The following PGS1 variants were observed in gnomAD, a reference collection of about 807,000 sequenced individuals.
PGS1 encodes phosphatidylglycerophosphate synthase 1.
A neutral mutation model predicts 58.3 loss-of-function variants in PGS1; 44 were observed. The observed-to-expected ratio is 0.75, with a 90% CI of 0.59 to 0.97. The LOEUF (loss-of-function observed/expected upper bound fraction) is 0.97. Ranked by LOEUF, PGS1 falls within the 50% of genes least tolerant of loss-of-function variation. The probability of loss-of-function intolerance (pLI) is 0.00; values close to 1 mark genes in which losing one functional copy is unlikely to be tolerated. For missense variants in PGS1, 684 were observed against 731.1 expected, an observed-to-expected ratio of 0.94 and a Z score of 0.74; for synonymous variants, 330 against 311.0, an observed-to-expected ratio of 1.06 and a Z score of -0.64.
In PGS1 at chr17:78,398,399, T is replaced by A. The variant is rs760477010; in HGVS notation, c.511+48T>A. 5.4e-6 allele frequency: 7 copies of A among 1,293,658 alleles called. No homozygotes were observed. The African/African-American group carries it at 7.3e-5, about 13-fold the overall frequency. 80.1% of individuals were successfully genotyped at this position (1,293,658 alleles called of 1,614,324 possible). A position where few individuals can be genotyped will look rare whatever the true frequency, so the allele number is the denominator to read the frequency against. ...CCCTCCTGCTTCCTGTGTCAGATCC[T>A]CAGTCCCAAGAGGGGTTACTGTCAC... On this transcript the variant is annotated intron_variant, in intron 4 of 9. Transcript: ENST00000262764.
At chr17:78,415,254 C>G (rs1282529150) in intron 8 of PGS1, among the ~76,000 whole-genome samples, 1 of 152,204 alleles carries the variant, frequency 6.6e-6, no homozygotes, top group African/African-American at 2.4e-5. Flanking sequence ...GTCCTGGGGA[C>G]TTTTTCTTTC....
chr17:78,406,174 G>A (rs975585214), intron 7 of PGS1, among the ~76,000 whole-genome samples: 8 of 152,106 alleles, frequency 5.3e-5, no homozygotes, highest in African/African-American at 1.2e-4. Context: ...AAAAATTAGC[G>A]GGGCGTGGTG....
intron 4 of PGS1, among the ~76,000 whole-genome samples, 180 bp downstream of exon 4, chr17:78,398,531 G>T (rs923760602): frequency 9.2e-5 from 14 of 152,210 alleles, no homozygotes; most frequent in African/African-American, 3.1e-4. Context: ...GTGACTGAAA[G>T]CCCAACTAAA....
chr17:78,378,822 C>T lies in PGS1; in HGVS notation c.143+14C>T. 2.1e-6 allele frequency: 3 copies of T among 1,434,350 alleles called. No homozygotes were observed. Among genetic ancestry groups the T allele is most frequent in the East Asian group, 3.0e-5 (1 of 33,586 alleles). 88.9% of individuals were successfully genotyped at this position (1,434,350 alleles called of 1,614,324 possible). On this transcript the variant is annotated intron_variant, in intron 1 of 9. Transcript: ENST00000262764. ...CCAGCGCAGGAGGTGAGAGGGGCGGCCGGGATGAGAGTGCAGCCCTCGCGG... is the reference window on the plus strand; with the variant it reads ...CCAGCGCAGGAGGTGAGAGGGGCGGTCGGGATGAGAGTGCAGCCCTCGCGG...
chr17:78,422,517 G>GAGAC (rs944105264), intron 9 of PGS1, among the ~76,000 whole-genome samples: 5 of 151,108 alleles, frequency 3.3e-5, no homozygotes, highest in Non-Finnish European at 1.5e-5. Flanking sequence ...TCCCCCTTTT[G>GAGAC]AGACAGGGTC....
chr17:78,411,795 C>G (rs1313310600), intron 7 of PGS1, among the ~76,000 whole-genome samples: 1 of 151,802 alleles, frequency 6.6e-6, no homozygotes. Context: ...AGTCTTAGCC[C>G]TGTGTATACA....
intron 1 of PGS1, among the ~76,000 whole-genome samples, chr17:78,387,988 T>C (rs1255199013): frequency 3.9e-5 from 6 of 152,232 alleles, no homozygotes; most frequent in African/African-American, 1.4e-4. Flanking sequence ...TCAGCTCCTT[T>C]TTTATGCACC....
chr17:78,390,319 CGGG>C (rs1011500944), intron 1 of PGS1, among the ~76,000 whole-genome samples: 21 of 87,798 alleles, frequency 2.4e-4, no homozygotes, highest in African/African-American at 9.4e-4. Context: ...CCTCTAGAGA[CGGG>C]GGTGGGGGAG....
At chr17:78,422,806 A>ATGT (rs1316371359) in intron 9 of PGS1, among the ~76,000 whole-genome samples, 1 of 151,450 alleles carries the variant, frequency 6.6e-6, no homozygotes, top group Non-Finnish European at 1.5e-5. Flanking sequence ...AGCCTGAGAA[A>ATGT]TGTTGAGGGC....
intron 9 of PGS1, 155 bp downstream of exon 9, chr17:78,419,830 C>T (rs1028438091): frequency 7.0e-6 from 10 of 1,422,590 alleles, no homozygotes; most frequent in African/African-American, 5.7e-5. Context: ...GGCAGCTGTC[C>T]TCAAAGTTAG....
At chr17:78,421,053 A>G (rs1016828837) in intron 9 of PGS1, 3 of 152,156 alleles carry the variant, frequency 2.0e-5, no homozygotes, top group Non-Finnish European at 4.4e-5. Context: ...ACACCTTGTG[A>G]TTGTTTTTTC....
At position 78,378,833 on chromosome 17, in the gene PGS1, G is replaced by A. The variant is rs1401752023; in HGVS notation, c.143+25G>A. ...GGTGAGAGGGGCGGCCGGGATGAGA[G>A]TGCAGCCCTCGCGGCTGCAGCCCGG... On this transcript the variant is annotated intron_variant, in intron 1 of 9. Transcript: ENST00000262764. The A allele has an allele frequency of 5.0e-6, 7 of 1,394,546 alleles. No individual in the cohort carries two copies. The South Asian group carries it at 1.1e-4, about 22-fold the overall frequency. The allele number at this position is 1,394,546 out of a possible 1,614,324, so 86.4% of individuals were successfully genotyped here.
At chr17:78,386,984 ATGATGG>A (rs1567940621) in intron 1 of PGS1, among the ~76,000 whole-genome samples, 1 of 151,302 alleles carries the variant, frequency 6.6e-6, no homozygotes, top group Non-Finnish European at 1.5e-5. Context: ...GATGATGGTG[ATGATGG>A]TGATGATGAT....
chr17:78,389,501 A>G lies in PGS1; in HGVS notation c.144-2975A>G, dbSNP rs190203072. ...TGCCCGGCCCAATTTTTGTATTTTTAGTAGAGGCGGGGTTTCATCGTGTTG... is the reference window on the plus strand; with the variant it reads ...TGCCCGGCCCAATTTTTGTATTTTTGGTAGAGGCGGGGTTTCATCGTGTTG... On this transcript the variant is annotated intron_variant, in intron 1 of 9. Coordinates refer to ENST00000262764, the MANE Select transcript of PGS1 (RefSeq NM_024419.5). 2.2e-3 allele frequency among the ~76,000 whole-genome samples: 339 copies of G among 151,514 alleles called. 2 individuals are homozygous for G. The highest frequency in any genetic ancestry group is 0.021 in the Admixed American group (315 of 15,214).
At chr17:78,419,112 C>T (rs1283028183) in intron 8 of PGS1, among the ~76,000 whole-genome samples, 1 of 152,054 alleles carries the variant, frequency 6.6e-6, no homozygotes, top group African/African-American at 2.4e-5. Flanking sequence ...GGGCTGAAAC[C>T]CTTGCCTACC....
intron 2 of PGS1, among the ~76,000 whole-genome samples, chr17:78,393,103 C>T (rs2082948840): frequency 6.6e-6 from 1 of 150,864 alleles, no homozygotes; most frequent in Admixed American, 6.6e-5. Context: ...CTCTGTCACC[C>T]AGGCTAGAGT....
At chr17:78,394,256 A>G (rs1343904915) in intron 2 of PGS1, among the ~76,000 whole-genome samples, 1 of 151,768 alleles carries the variant, frequency 6.6e-6, no homozygotes, top group Non-Finnish European at 1.5e-5. Context: ...ACAATAGGAA[A>G]TCTGGGTAGA....
chr17:78,404,087 A>G lies in PGS1; in HGVS notation c.1400A>G (p.Lys467Arg). ...CGGAGGGGCTGGACGTTCCACGCCA[A>G]AGGTGCGCAGCGGCTGGCTGGAGGA... ...YWRRGWTFHA[K>R]GLWLYLAGSS... is the part of the protein sequence containing the mutation. The change falls in exon 7 of 10, where the codon AAA (lysine) becomes AGA (arginine). Residue 467 changes from lysine to arginine, a missense_variant and splice_region_variant. Lys to Arg is a conservative substitution (Grantham distance 26, BLOSUM62 2). Transcript: ENST00000262764. 1.3e-6 allele frequency: 2 copies of G among 1,552,528 alleles called. No individual in the cohort carries two copies. Among genetic ancestry groups the G allele is most frequent in the Non-Finnish European group, 1.7e-6 (2 of 1,148,346 alleles).
At position 78,421,286 on chromosome 17, in the gene PGS1, G is replaced by C. The variant is rs186308647; in HGVS notation, c.*10+1611G>C. On this transcript the variant is annotated intron_variant, in intron 9 of 9. Coordinates refer to ENST00000262764, the MANE Select transcript of PGS1 (RefSeq NM_024419.5). ...ACCCTTGCACAGAGAGAAGCTTCCT[G>C]GGCTACAGGGCATGGCAGCCTGTCC... 1.7e-4 allele frequency: 26 copies of C among 152,338 alleles called. No individual in the cohort carries two copies. In the East Asian group the frequency reaches 4.0e-3, roughly 24 times the overall value. 9.4% of individuals were successfully genotyped at this position (152,338 alleles called of 1,614,324 possible).
Sources: allele counts gnomAD v4.1 joint callset (sites outside exome capture counted in the v4.1 genomes callset), GRCh38; gene constraint gnomAD v4.1.1; transcripts MANE v1.5; gene names NCBI Gene and HGNC (gene_info 2026-07-23, HGNC 2026-07-21).